Variants in SSH2 observed in about 807,000 individuals in gnomAD.
The protein encoded by SSH2 is slingshot protein phosphatase 2.
A neutral mutation model predicts 135.2 loss-of-function variants in SSH2; 37 were observed. The observed-to-expected ratio is 0.27, with a 90% confidence interval of 0.21 to 0.36. The LOEUF is 0.36. Ranked by LOEUF, SSH2 falls within the 10% of genes least tolerant of loss-of-function variation. The pLI is 1.00. For missense variants in SSH2, 1,408 were observed against 1,765.3 expected (o/e 0.80, Z 3.63); for synonymous variants, 628 against 646.2 (o/e 0.97, Z 0.43).
Position 29,761,840 on chromosome 17 carries a change from C to CGTGTGTGTGT in SSH2, c.188+32053_188+32054insACACACACAC, listed in dbSNP as rs777352798. 6.8e-3 allele frequency among the ~76,000 whole-genome samples: 910 copies of CGTGTGTGTGT among 133,614 alleles called. 5 individuals are homozygous for CGTGTGTGTGT. Among genetic ancestry groups the CGTGTGTGTGT allele is most frequent in the East Asian group, 0.013 (63 of 4,832 alleles). The allele number at this position is 133,614 out of a possible 152,430, so 87.7% of individuals were successfully genotyped here. ...GAAATTCAGAGATTACACTCACATA[C>CGTGTGTGTGT]ATATGTGTGTGTGTGTGTGTGTGTG... On this transcript the variant is annotated intron_variant, in intron 3 of 15. Coordinates refer to ENST00000540801, the MANE Select transcript of SSH2 (RefSeq NM_001282129.2).
At chr17:29,848,099 G>A (rs1360705611) in intron 2 of SSH2, among the ~76,000 whole-genome samples, 2 of 152,118 alleles carry the variant, frequency 1.3e-5, no homozygotes, top group East Asian at 1.9e-4. Context: ...ACCCTCCTGG[G>A]CTAAGCCCCA....
chr17:29,827,170 G>T (rs1019323069), intron 2 of SSH2, among the ~76,000 whole-genome samples: 2 of 152,152 alleles, frequency 1.3e-5, no homozygotes, highest in Non-Finnish European at 2.9e-5. Flanking sequence ...AACTTATTTT[G>T]CATAAGGCAC....
At chr17:29,694,561 C>T (rs186058339) in intron 5 of SSH2, among the ~76,000 whole-genome samples, 4 of 152,182 alleles carry the variant, frequency 2.6e-5, no homozygotes, top group East Asian at 1.9e-4. Flanking sequence ...CCCAGCTGCT[C>T]GGGAGGCTGA....
At chr17:29,761,906 T>C (rs2041329156) in intron 3 of SSH2, among the ~76,000 whole-genome samples, 1 of 141,736 alleles carries the variant, frequency 7.1e-6, no homozygotes, top group African/African-American at 2.7e-5. Flanking sequence ...TGAGATGGAG[T>C]TTCTGCTATT....
intron 2 of SSH2, among the ~76,000 whole-genome samples, chr17:29,816,109 A>T (rs2042555060): frequency 6.6e-6 from 1 of 152,242 alleles, no homozygotes; most frequent in Admixed American, 6.5e-5. Context: ...TCAGCCTCCC[A>T]AAGTGCTGGG....
chr17:29,696,428 T>C (rs1356332842), intron 4 of SSH2, among the ~76,000 whole-genome samples: 1 of 146,430 alleles, frequency 6.8e-6, no homozygotes, highest in Non-Finnish European at 1.5e-5. Context: ...TATATACACA[T>C]ATATGTGTGT....
intron 3 of SSH2, among the ~76,000 whole-genome samples, chr17:29,751,237 G>A (rs754776467): frequency 2.4e-4 from 37 of 152,254 alleles, no homozygotes; most frequent in Middle Eastern, 3.4e-3. Flanking sequence ...TCAACATAGT[G>A]AAACCCCATC....
rs569747553 is a variant in SSH2 at position 29,781,540 on chromosome 17, C to T, written c.188+12354G>A. Among the ~76,000 whole-genome samples, 11 of 135,684 alleles carry T rather than the reference C, an allele frequency of 8.1e-5. No homozygotes were observed. The South Asian group carries it at 1.8e-3, about 23-fold the overall frequency. The allele number at this position is 135,684 out of a possible 152,430, so 89.0% of individuals were successfully genotyped here. On this transcript the variant is annotated intron_variant, in intron 3 of 15. Coordinates refer to ENST00000540801, the MANE Select transcript of SSH2 (RefSeq NM_001282129.2). ...CATTGCCCGGGCTAGAGTGCAATGGCGCAGTCTCAGCTCACTGCAACCTCC... is the reference window on the plus strand; with the variant it reads ...CATTGCCCGGGCTAGAGTGCAATGGTGCAGTCTCAGCTCACTGCAACCTCC...
chr17:29,666,906 T>C lies in SSH2; in HGVS notation c.993A>G (p.Gln331=). The C allele has an allele frequency of 6.2e-7, 1 of 1,614,150 alleles. No individual in the cohort carries two copies. Among genetic ancestry groups the C allele is most frequent in the Middle Eastern group, 1.6e-4 (1 of 6,062 alleles). ...CAAATATCTGTGTAGGGCTATCCAT[T>C]TGACCAAGGATCACTATCATTTCAT... The part of the protein sequence containing the change: ...IDNEMIVILG[Q]MDSPTQIFEH... The change falls in exon 11 of 16, where the codon CAA becomes CAG. Residue 331 remains glutamine (Q), a synonymous_variant. Coordinates refer to ENST00000540801, the MANE Select transcript of SSH2 (RefSeq NM_001282129.2).
At chr17:29,804,585 C>A (rs1383697141) in intron 2 of SSH2, among the ~76,000 whole-genome samples, 1 of 152,128 alleles carries the variant, frequency 6.6e-6, no homozygotes, top group Non-Finnish European at 1.5e-5. Context: ...CCTAACTCAC[C>A]CACTTGTGAT....
chr17:29,833,414 T>C (rs2042882326), intron 2 of SSH2, among the ~76,000 whole-genome samples: 1 of 152,216 alleles, frequency 6.6e-6, no homozygotes, highest in Non-Finnish European at 1.5e-5. Context: ...TTGCTCTTTT[T>C]TGGTTTCCAT....
intron 4 of SSH2, among the ~76,000 whole-genome samples, chr17:29,701,654 T>C (rs865803681): frequency 4.6e-5 from 7 of 152,098 alleles, no homozygotes; most frequent in South Asian, 2.1e-4. Flanking sequence ...CACTGTAACC[T>C]TCGCTTCCCA....
At chr17:29,881,320 T>C (rs1485381412) in intron 1 of SSH2, among the ~76,000 whole-genome samples, 1 of 152,184 alleles carries the variant, frequency 6.6e-6, no homozygotes, top group Non-Finnish European at 1.5e-5. Flanking sequence ...AAGTTTGTTA[T>C]CATTGGCCAC....
At chr17:29,782,385 C>T (rs1020707658) in intron 3 of SSH2, among the ~76,000 whole-genome samples, 2 of 152,152 alleles carry the variant, frequency 1.3e-5, no homozygotes, top group Non-Finnish European at 2.9e-5. Flanking sequence ...CCTCATGCTG[C>T]TCTCGTACAG....
intron 3 of SSH2, among the ~76,000 whole-genome samples, chr17:29,766,186 A>G (rs1380254031): frequency 1.3e-5 from 2 of 151,720 alleles, no homozygotes; most frequent in Non-Finnish European, 2.9e-5. Flanking sequence ...GAAGTTGACA[A>G]ATGAATGAAT....
intron 1 of SSH2, among the ~76,000 whole-genome samples, chr17:29,912,034 T>G (rs1289572341): frequency 6.6e-6 from 1 of 152,220 alleles, no homozygotes; most frequent in African/African-American, 2.4e-5. Context: ...GAGTAGGCCA[T>G]GTAACCTAGT....
At chr17:29,681,790 A>G (rs1028437656) in intron 6 of SSH2, among the ~76,000 whole-genome samples, 3 of 152,198 alleles carry the variant, frequency 2.0e-5, no homozygotes, top group Non-Finnish European at 4.4e-5. Context: ...ACTATTTTGA[A>G]GCATTAACAT....
chr17:29,904,021 C>G (rs1567643291), intron 1 of SSH2, among the ~76,000 whole-genome samples: 1 of 149,700 alleles, frequency 6.7e-6, no homozygotes, highest in Admixed American at 6.7e-5. Flanking sequence ...GCCTACCAAC[C>G]AAAAAAAAAG....
chr17:29,658,503 T>C (rs1455208201), intron 11 of SSH2, among the ~76,000 whole-genome samples: 1 of 152,188 alleles, frequency 6.6e-6, no homozygotes, highest in African/African-American at 2.4e-5. Context: ...GAGTGCTTTT[T>C]CTATTCTTTC....
Sources: gnomAD v4.1 joint callset for allele counts (sites outside exome capture counted in the v4.1 genomes callset) on GRCh38, gnomAD v4.1.1 for gene constraint, MANE v1.5 for transcripts, NCBI Gene and HGNC (gene_info 2026-07-23, HGNC 2026-07-21) for gene names.